FANCA: variants seen among roughly 807,000 people sequenced by gnomAD.
FANCA encodes FA complementation group A, also known as Fanconi anemia group A protein.
Under a neutral mutation model 194.3 loss-of-function variants are expected in FANCA, and 236 were observed. That is an observed-to-expected ratio of 1.21 (90% CI 1.09 to 1.35). The LOEUF (loss-of-function observed/expected upper bound fraction) is 1.35. Among genes scored for constraint, FANCA ranks in the 40% most tolerant of loss-of-function variants. The pLI, the probability that FANCA is intolerant of heterozygous loss-of-function variation, is 0.00. For missense variants in FANCA, 2,628 were observed against 1,813.9 expected (o/e 1.45, Z -8.15); for synonymous variants, 1,014 against 715.8 (o/e 1.42, Z -6.65).
In FANCA at chr16:89,810,977, C is replaced by T. The variant is rs544680245; in HGVS notation, c.378G>A (p.Thr126=). The part of the protein sequence containing the change: ...MVASSVGQIC[T]APAETSHPVL... ...CAGGGTGACTGGTCTCCGCTGGAGC[C>T]GTGCAGATCTGTCCCACGCTAGAGG... The change falls in exon 4 of 43, where the codon ACG becomes ACA. Residue 126 remains threonine (T), a synonymous_variant. Transcript: ENST00000389301. The T allele has an allele frequency of 7.4e-6, 12 of 1,614,064 alleles. No individual in the cohort carries two copies. Among genetic ancestry groups the T allele is most frequent in the African/African-American group, 2.7e-5 (2 of 75,044 alleles).
rs1181572752 is a variant in FANCA, at chr16:89,805,399, A to C, written c.597-7T>G. The stretch of plus-strand genomic sequence containing the variant: ...AGCATGCATGTCGGGATGGCTGGAG[A>C]CACACACAGAGGCAGACGTAAGGCT... On this transcript the variant is annotated splice_region_variant and splice_polypyrimidine_tract_variant and intron_variant, in intron 6 of 42. Coordinates refer to ENST00000389301, the MANE Select transcript of FANCA (RefSeq NM_000135.4). The C allele has an allele frequency of 6.2e-7, 1 of 1,606,318 alleles. No individual in the cohort carries two copies. The highest frequency in any genetic ancestry group is 8.5e-7 in the Non-Finnish European group (1 of 1,173,300).
chr16:89,805,932 G>C (rs942419799), intron 6 of FANCA, among the ~76,000 whole-genome samples: 3 of 146,186 alleles, frequency 2.1e-5, no homozygotes, highest in African/African-American at 7.6e-5. Context: ...TTTTTCTCTT[G>C]AAACAGTTTT....
rs534547915 is a variant in FANCA, at chr16:89,752,295, C to T, written c.2982-73G>A. ...CTGAAGTTCCCAGTTCTCCTCCTGC[C>T]TCCGGAGCTGAGTGATGGCTGTGCT... On this transcript the variant is annotated intron_variant, in intron 30 of 42. Transcript: ENST00000389301. 2.4e-3 allele frequency: 2,994 copies of T among 1,223,190 alleles called. 16 individuals carry two copies. The highest frequency in any genetic ancestry group is 3.5e-3 in the South Asian group (295 of 83,518). The allele number at this position is 1,223,190 out of a possible 1,614,324, so 75.8% of individuals were successfully genotyped here.
At chr16:89,755,857 G>A (rs918575037) in intron 30 of FANCA, among the ~76,000 whole-genome samples, 2 of 150,798 alleles carry the variant, frequency 1.3e-5, no homozygotes, top group African/African-American at 2.4e-5. Flanking sequence ...CACACGGCAC[G>A]GCCCACCGCA....
chr16:89,752,722 T>G (rs1413640593), intron 30 of FANCA, among the ~76,000 whole-genome samples: 1 of 152,096 alleles, frequency 6.6e-6, no homozygotes, highest in East Asian at 1.9e-4. Flanking sequence ...AAGACAAGAG[T>G]GCGAGCCTTC....
chr16:89,775,671 C>A (rs1428370223), intron 21 of FANCA, 71 bp downstream of exon 21: 1 of 1,304,632 alleles, frequency 7.7e-7, no homozygotes, highest in Non-Finnish European at 1.1e-6. Flanking sequence ...TGGTGTAGCA[C>A]AACAGACACT....
At chr16:89,753,196 G>A (rs2038656652) in intron 30 of FANCA, among the ~76,000 whole-genome samples, 3 of 152,206 alleles carry the variant, frequency 2.0e-5, no homozygotes, top group Admixed American at 2.0e-4. Flanking sequence ...CGGGCCCCCT[G>A]TCCAGTGGAC....
chr16:89,798,446 G>A (rs2040321793), intron 10 of FANCA: 1 of 1,090,008 alleles, frequency 9.2e-7, no homozygotes, highest in Non-Finnish European at 1.1e-6. Flanking sequence ...GTTACTGTGA[G>A]GGATGGGAAA....
intron 21 of FANCA, among the ~76,000 whole-genome samples, chr16:89,774,821 C>T (rs968360791): frequency 1.3e-4 from 19 of 147,188 alleles, no homozygotes; most frequent in Non-Finnish European, 1.6e-4. Flanking sequence ...GGGCTGGGTA[C>T]GGTTGCTCAT....
intron 6 of FANCA, among the ~76,000 whole-genome samples, chr16:89,805,630 C>T (rs552390566): frequency 1.3e-5 from 2 of 152,064 alleles, no homozygotes; most frequent in Non-Finnish European, 2.9e-5. Flanking sequence ...AGCTGGAGGT[C>T]TTACTACTTT....
chr16:89,814,560 G>A lies in FANCA; in HGVS notation c.243C>T (p.Asp81=). 2 of 1,613,814 alleles carry A rather than the reference G, an allele frequency of 1.2e-6. No individual in the cohort carries two copies. The highest frequency in any genetic ancestry group is 1.7e-6 in the Non-Finnish European group (2 of 1,179,752). The part of the protein sequence containing the change: ...KLSLSKVIDC[D]SSEAYANHSS... ...AATGATTAGCATAGGCCTCAGAACT[G>A]TCACAGTCAATCACTTTGCTGAGAG... The change falls in exon 3 of 43, where the codon GAC becomes GAT. Residue 81 remains aspartate, a synonymous_variant. Coordinates refer to ENST00000389301, the MANE Select transcript of FANCA (RefSeq NM_000135.4).
intron 26 of FANCA, among the ~76,000 whole-genome samples, chr16:89,768,266 A>C (rs1598107615): frequency 6.6e-6 from 1 of 152,228 alleles, no homozygotes; most frequent in African/African-American, 2.4e-5. Context: ...ACCCATGTGA[A>C]AAATTCTCAC....
chr16:89,743,229 C>T (rs971334088), intron 36 of FANCA, among the ~76,000 whole-genome samples: 2 of 152,166 alleles, frequency 1.3e-5, no homozygotes, highest in Non-Finnish European at 2.9e-5. Flanking sequence ...CCCCAGCTGC[C>T]TACATTTTGG....
At chr16:89,750,160 A>G (rs1325699572) in intron 31 of FANCA, among the ~76,000 whole-genome samples, 1 of 152,116 alleles carries the variant, frequency 6.6e-6, no homozygotes, top group East Asian at 1.9e-4. Flanking sequence ...CCCAGGAGTT[A>G]CAGTACTACT....
chr16:89,756,934 A>T (rs2038786950), intron 30 of FANCA, among the ~76,000 whole-genome samples: 1 of 152,218 alleles, frequency 6.6e-6, no homozygotes, highest in South Asian at 2.1e-4. Context: ...CCTCAGGGAA[A>T]GGCAAGAATG....
intron 39 of FANCA, 174 bp from the exon 40 acceptor site, chr16:89,739,727 T>C (rs1032833633): frequency 6.7e-7 from 1 of 1,498,972 alleles, no homozygotes; most frequent in African/African-American, 1.4e-5. Context: ...TGGGAGAGGA[T>C]GGGGGGGTCG....
At chr16:89,753,250 T>C (rs1327343867) in intron 30 of FANCA, among the ~76,000 whole-genome samples, 4 of 152,170 alleles carry the variant, frequency 2.6e-5, no homozygotes, top group Admixed American at 2.0e-4. Context: ...GTGACTCACA[T>C]TGTTTACCCT....
chr16:89,746,429 G>C (rs2038391952), intron 35 of FANCA, among the ~76,000 whole-genome samples, 155 bp downstream of exon 35: 2 of 150,178 alleles, frequency 1.3e-5, no homozygotes, highest in Admixed American at 1.3e-4. Flanking sequence ...TCTGCTATGA[G>C]CTGGCATCTT....
intron 23 of FANCA, among the ~76,000 whole-genome samples, chr16:89,771,199 C>T (rs1476183281): frequency 6.7e-6 from 1 of 148,768 alleles, no homozygotes; most frequent in African/African-American, 2.5e-5. Flanking sequence ...TGGCTTATGC[C>T]TATAATCCCA....
Sources: gnomAD v4.1 joint callset for allele counts (sites outside exome capture counted in the v4.1 genomes callset) on GRCh38, gnomAD v4.1.1 for gene constraint, MANE v1.5 for transcripts, NCBI Gene and HGNC (gene_info 2026-07-23, HGNC 2026-07-21) for gene names.